POF1B: variants seen among roughly 807,000 people sequenced by gnomAD.
POF1B encodes protein POF1B.
A neutral mutation model predicts 55.3 loss-of-function variants in POF1B; 53 were observed. The ratio of observed to expected loss-of-function variants is 0.96; its 90% CI spans 0.77 to 1.20. POF1B has a LOEUF of 1.20. Among genes scored for constraint, POF1B ranks in the 50% most tolerant of loss-of-function variants. The probability of loss-of-function intolerance (pLI) is 0.00; values close to 1 mark genes in which losing one functional copy is unlikely to be tolerated. For synonymous variants in POF1B, 188 were observed against 148.3 expected (o/e 1.27, Z -1.95); for missense variants, 478 against 420.5 (o/e 1.14, Z -1.20).
intron 15 of POF1B, among the ~76,000 whole-genome samples, chrX:85,299,438 G>A (rs1318702485): frequency 2.8e-5 from 3 of 105,302 alleles, no homozygotes; most frequent in African/African-American, 7.1e-5. Flanking sequence ...ACAGGCGCCC[G>A]CTACCACGCC....
chrX:85,347,438 A>T (rs1169265469), intron 5 of POF1B, among the ~76,000 whole-genome samples: 1 of 111,315 alleles, frequency 9.0e-6, no homozygotes, highest in Non-Finnish European at 1.9e-5. Context: ...AAAGTGACGT[A>T]TACATTTACA....
chrX:85,356,081 T>C (rs1054373906), intron 4 of POF1B, among the ~76,000 whole-genome samples: 5 of 111,406 alleles, frequency 4.5e-5, no homozygotes, highest in Admixed American at 2.9e-4. Flanking sequence ...AATGATAGAC[T>C]GGATTAAGAA....
chrX:85,362,155 G>A (rs150331498), intron 3 of POF1B, among the ~76,000 whole-genome samples: 3 of 110,968 alleles, frequency 2.7e-5, no homozygotes, highest in African/African-American at 9.8e-5. Context: ...CAAGACTATG[G>A]GAGTTTCTAG....
At chrX:85,366,843 C>G (rs1344843873) in intron 3 of POF1B, among the ~76,000 whole-genome samples, 3 of 111,952 alleles carry the variant, frequency 2.7e-5, no homozygotes, top group South Asian at 7.4e-4. Context: ...ATTGACCTAA[C>G]TCTAATCTAG....
chrX:85,328,862 A>C (rs56049133), intron 7 of POF1B, among the ~76,000 whole-genome samples: 12,855 of 109,824 alleles, frequency 0.12, 615 homozygotes, highest in South Asian at 0.17. Context: ...AACAAACAAA[A>C]AAAAAAACTG....
chrX:85,375,588 C>G (rs1325891868), intron 2 of POF1B, among the ~76,000 whole-genome samples: 1 of 111,897 alleles, frequency 8.9e-6, no homozygotes, highest in East Asian at 2.8e-4. Context: ...ATTCTTTTTT[C>G]AGGCAGCGCA....
intron 15 of POF1B, among the ~76,000 whole-genome samples, chrX:85,293,406 A>G (rs767268162): frequency 2.7e-5 from 3 of 111,797 alleles, no homozygotes; most frequent in Non-Finnish European, 3.8e-5. Flanking sequence ...TTCTTAGCAA[A>G]CTAACACAGG....
rs1203197746 is a variant in POF1B at position 85,305,754 on chromosome X, C to T, written c.1437+37G>A. ...TCATTATCTTGCTAGAAAGTTTGTG[C>T]TGACCTGTGTATTTATGCAATGTAG... On this transcript the variant is annotated intron_variant, in intron 13 of 16. Transcript: ENST00000262753. 1.7e-5 allele frequency: 20 copies of T among 1,185,316 alleles called. No homozygotes were observed. In the Admixed American group the frequency reaches 4.7e-4, roughly 28 times the overall value.
chrX:85,350,869 A>G (rs1603066441), intron 5 of POF1B, among the ~76,000 whole-genome samples: 1 of 111,559 alleles, frequency 9.0e-6, no homozygotes, highest in East Asian at 2.8e-4. Flanking sequence ...TGGTCTGTCG[A>G]TTTGAGCTTA....
At chrX:85,286,278 T>C (rs1932052675) in intron 15 of POF1B, among the ~76,000 whole-genome samples, 1 of 109,876 alleles carries the variant, frequency 9.1e-6, no homozygotes, top group Non-Finnish European at 1.9e-5. Context: ...TGAAGAATAT[T>C]ATGAACCCTA....
chrX:85,315,413 C>T (rs1333588028), intron 8 of POF1B, among the ~76,000 whole-genome samples: 2 of 110,884 alleles, frequency 1.8e-5, no homozygotes, highest in Admixed American at 9.7e-5. Context: ...AATACACCTA[C>T]TATGTACACA....
At chrX:85,285,453 A>G (rs1250757011) in intron 15 of POF1B, among the ~76,000 whole-genome samples, 6 of 111,064 alleles carry the variant, frequency 5.4e-5, no homozygotes, top group Non-Finnish European at 9.4e-5. Flanking sequence ...CATATACACC[A>G]TGGAATACTA....
intron 6 of POF1B, among the ~76,000 whole-genome samples, chrX:85,339,336 A>C (rs1698888875): frequency 9.0e-6 from 1 of 110,980 alleles, no homozygotes; most frequent in South Asian, 3.8e-4. Flanking sequence ...TCCCTCCCAC[A>C]ACACATGATC....
chrX:85,340,373 A>G (rs957128346), intron 6 of POF1B, among the ~76,000 whole-genome samples: 1 of 111,071 alleles, frequency 9.0e-6, no homozygotes, highest in Non-Finnish European at 1.9e-5. Context: ...CTGGCTGACA[A>G]TGGAAACCAG....
At chrX:85,314,676 A>T (rs1050237364) in intron 8 of POF1B, among the ~76,000 whole-genome samples, 170 bp from the exon 9 acceptor site, 3 of 111,871 alleles carry the variant, frequency 2.7e-5, no homozygotes, top group African/African-American at 6.5e-5. Context: ...TTCTTATTTT[A>T]AAAAAATCAA....
intron 7 of POF1B, among the ~76,000 whole-genome samples, chrX:85,328,268 G>A (rs1222626736): frequency 9.3e-6 from 1 of 107,587 alleles, no homozygotes; most frequent in Non-Finnish European, 1.9e-5. Flanking sequence ...GCAGTGGCGC[G>A]ATCTCGGCTC....
chrX:85,295,297 A>G (rs1233845968), intron 15 of POF1B, among the ~76,000 whole-genome samples: 1 of 111,414 alleles, frequency 9.0e-6, no homozygotes, highest in Non-Finnish European at 1.9e-5. Context: ...TAGTTCCATT[A>G]GGTGCAATGC....
intron 2 of POF1B, among the ~76,000 whole-genome samples, chrX:85,375,408 C>G (rs926033934): frequency 2.7e-5 from 3 of 111,206 alleles, no homozygotes; most frequent in Non-Finnish European, 3.8e-5. Context: ...GTGCCTTTGA[C>G]TGAAAACAGG....
At chrX:85,312,988 A>T (rs1932744531) in intron 9 of POF1B, among the ~76,000 whole-genome samples, 1 of 111,020 alleles carries the variant, frequency 9.0e-6, no homozygotes, top group Non-Finnish European at 1.9e-5. Flanking sequence ...TCTATTATTG[A>T]TGTATAGGAA....
Sources: gnomAD v4.1 joint callset for allele counts (sites outside exome capture counted in the v4.1 genomes callset) on GRCh38, gnomAD v4.1.1 for gene constraint, MANE v1.5 for transcripts, NCBI Gene and HGNC (gene_info 2026-07-23, HGNC 2026-07-21) for gene names.